SLC24A3: variants seen among roughly 807,000 people sequenced by gnomAD.
SLC24A3 encodes the protein solute carrier family 24 member 3.
In SLC24A3, 28 loss-of-function variants were observed where a neutral mutation model predicts 75.8. The ratio of observed to expected loss-of-function variants is 0.37; its 90% CI spans 0.27 to 0.51. The LOEUF (loss-of-function observed/expected upper bound fraction) is 0.51, where lower values mean the gene tolerates loss of function less well. Ranked by LOEUF, SLC24A3 falls within the 20% of genes least tolerant of loss-of-function variation. SLC24A3 has a pLI of 0.94. For synonymous variants in SLC24A3, 372 were observed against 334.1 expected (o/e 1.11, Z -1.24); for missense variants, 663 against 847.8 (o/e 0.78, Z 2.71).
At chr20:19,687,519 G>A (rs1221421884) in intron 12 of SLC24A3, among the ~76,000 whole-genome samples, 4 of 152,272 alleles carry the variant, frequency 2.6e-5, no homozygotes, top group Non-Finnish European at 4.4e-5. Context: ...TTCAGAGTCC[G>A]CCATTAGCTG....
At chr20:19,355,069 C>T (rs1985653281) in intron 2 of SLC24A3, 1 of 152,206 alleles carries the variant, frequency 6.6e-6, no homozygotes, top group Non-Finnish European at 1.5e-5. Flanking sequence ...TCTTGGCTTC[C>T]TTATGACCCC....
chr20:19,715,336 T>C (rs1396880959), intron 15 of SLC24A3, among the ~76,000 whole-genome samples: 2 of 152,224 alleles, frequency 1.3e-5, no homozygotes, highest in African/African-American at 4.8e-5. Context: ...GTTGAGTGTG[T>C]GCATGAAGTT....
chr20:19,669,025 G>T (rs148314172), intron 8 of SLC24A3, among the ~76,000 whole-genome samples: 3 of 152,170 alleles, frequency 2.0e-5, no homozygotes, highest in Non-Finnish European at 4.4e-5. Context: ...AGATTAGAAT[G>T]ACCACTTTAG....
At chr20:19,533,503 A>G (rs1195632091) in intron 3 of SLC24A3, among the ~76,000 whole-genome samples, 1 of 152,212 alleles carries the variant, frequency 6.6e-6, no homozygotes, top group Admixed American at 6.5e-5. Flanking sequence ...CAACCTTAGA[A>G]GAAGAGGCAA....
chr20:19,703,743 TTGACTAATAA>T (rs1568704492), intron 15 of SLC24A3, among the ~76,000 whole-genome samples: 2 of 152,362 alleles, frequency 1.3e-5, no homozygotes, highest in East Asian at 3.9e-4. Context: ...CTATGCTTCT[TTGACTAATAA>T]TGTTAGATCA....
At chr20:19,249,299 G>A (rs898253031) in intron 1 of SLC24A3, among the ~76,000 whole-genome samples, 3 of 152,132 alleles carry the variant, frequency 2.0e-5, no homozygotes, top group Non-Finnish European at 4.4e-5. Flanking sequence ...GCAAGCTTCC[G>A]TACTCCTAAG....
intron 15 of SLC24A3, among the ~76,000 whole-genome samples, chr20:19,711,395 C>T (rs1166846082): frequency 6.6e-6 from 1 of 152,110 alleles, no homozygotes; most frequent in Non-Finnish European, 1.5e-5. Flanking sequence ...CATATCCACA[C>T]ATGCAAACAC....
intron 2 of SLC24A3, among the ~76,000 whole-genome samples, chr20:19,426,091 G>A (rs1987001044): frequency 1.3e-5 from 2 of 152,306 alleles, no homozygotes; most frequent in African/African-American, 2.4e-5. Flanking sequence ...CAAGTGGAAA[G>A]TGCTTAGAAA....
intron 2 of SLC24A3, among the ~76,000 whole-genome samples, chr20:19,473,857 C>G (rs1453442665): frequency 6.6e-6 from 1 of 152,232 alleles, no homozygotes; most frequent in Non-Finnish European, 1.5e-5. Context: ...GCAATCAGAT[C>G]AGTCCTTAAT....
At position 19,314,156 on chromosome 20, in the gene SLC24A3, T is replaced by C. The variant is rs373657654; in HGVS notation, c.271+33069T>C. On this transcript the variant is annotated intron_variant, in intron 2 of 16. Transcript: ENST00000328041. Reference sequence around the variant, plus strand: ...TCCCCAACTTTGTCTGTGGTTTTGCTGTAAGGTCCCAGGCCTGCAGACAGG... The same window carrying C: ...TCCCCAACTTTGTCTGTGGTTTTGCCGTAAGGTCCCAGGCCTGCAGACAGG... Among the ~76,000 whole-genome samples, 35 of 152,306 alleles carry C rather than the reference T, an allele frequency of 2.3e-4. No individual in the cohort carries two copies. In the South Asian group the frequency reaches 4.1e-3, roughly 18 times the overall value.
chr20:19,448,003 T>G (rs1286961712), intron 2 of SLC24A3, among the ~76,000 whole-genome samples: 2 of 152,252 alleles, frequency 1.3e-5, no homozygotes, highest in Non-Finnish European at 2.9e-5. Flanking sequence ...TTTCATCGTT[T>G]CATGAACAAA....
intron 8 of SLC24A3, among the ~76,000 whole-genome samples, chr20:19,673,107 C>T (rs1455191421): frequency 1.3e-5 from 2 of 152,206 alleles, no homozygotes; most frequent in Non-Finnish European, 2.9e-5. Flanking sequence ...TCTTACTCTT[C>T]GACTGGTACC....
intron 1 of SLC24A3, among the ~76,000 whole-genome samples, chr20:19,229,257 T>C (rs958002656): frequency 2.6e-5 from 4 of 152,148 alleles, no homozygotes; most frequent in Non-Finnish European, 5.9e-5. Context: ...AAAATCTGAC[T>C]GTATTTGGTG....
In SLC24A3 at chr20:19,706,412, T is replaced by C. The variant is rs191427650; in HGVS notation, c.1719+7732T>C. On this transcript the variant is annotated intron_variant, in intron 15 of 16. Coordinates refer to ENST00000328041, the MANE Select transcript of SLC24A3 (RefSeq NM_020689.4). ...AAGTTTAGGTAGTGTGTGGCAGTGA[T>C]TGGGGGATCTGGAATGCTGGGGAGG... 6.4e-4 allele frequency among the ~76,000 whole-genome samples: 97 copies of C among 152,140 alleles called. 1 individual carries two copies. The highest frequency in any genetic ancestry group is 2.5e-3 in the Admixed American group (38 of 15,290).
At chr20:19,572,697 C>T (rs533754839) in intron 3 of SLC24A3, among the ~76,000 whole-genome samples, 14 of 152,224 alleles carry the variant, frequency 9.2e-5, no homozygotes, top group South Asian at 8.3e-4. Context: ...CTGCAAACCC[C>T]CACCCCAAAT....
intron 2 of SLC24A3, among the ~76,000 whole-genome samples, chr20:19,299,877 A>G (rs1170631717): frequency 1.3e-5 from 2 of 152,176 alleles, no homozygotes; most frequent in Non-Finnish European, 2.9e-5. Context: ...TGGAATTTGT[A>G]TTTCACACAA....
intron 2 of SLC24A3, among the ~76,000 whole-genome samples, chr20:19,501,682 T>G (rs912034405): frequency 7.9e-5 from 12 of 152,228 alleles, no homozygotes; most frequent in Admixed American, 2.0e-4. Flanking sequence ...CACAGATGCT[T>G]GTTTGGGATG....
chr20:19,700,205 G>T (rs921139685), intron 15 of SLC24A3, among the ~76,000 whole-genome samples: 2 of 152,294 alleles, frequency 1.3e-5, no homozygotes, highest in African/African-American at 4.8e-5. Flanking sequence ...CACTGGAGTA[G>T]CCCAACACGG....
intron 6 of SLC24A3, among the ~76,000 whole-genome samples, chr20:19,589,064 T>A (rs996676382): frequency 6.6e-6 from 1 of 152,178 alleles, no homozygotes; most frequent in African/African-American, 2.4e-5. Context: ...CACCCAAAGA[T>A]TGCACCTCTG....
Sources: allele counts gnomAD v4.1 joint callset (sites outside exome capture counted in the v4.1 genomes callset), GRCh38; gene constraint gnomAD v4.1.1; transcripts MANE v1.5; gene names NCBI Gene and HGNC (gene_info 2026-07-23, HGNC 2026-07-21).